GREB1: variants seen among roughly 807,000 people sequenced by gnomAD.
GREB1 encodes the protein protein GREB1.
A neutral mutation model predicts 200.7 loss-of-function variants in GREB1; 106 were observed. That is an observed-to-expected ratio of 0.53 (90% confidence interval 0.45 to 0.62). The LOEUF (loss-of-function observed/expected upper bound fraction) is 0.62, where lower values mean the gene tolerates loss of function less well. GREB1 is among the 20% of genes least tolerant of loss of function. The pLI is 0.00. For missense variants in GREB1, 2,243 were observed against 2,556.8 expected (o/e 0.88, Z 2.65); for synonymous variants, 1,132 against 1,092.4 (o/e 1.04, Z -0.72).
At chr2:11,592,198 T>C (rs962017809) in intron 10 of GREB1, 2 of 535,886 alleles carry the variant, frequency 3.7e-6, no homozygotes, top group African/African-American at 2.4e-5. Flanking sequence ...TTTTTTTTTT[T>C]TTTTTAACAA....
chr2:11,607,091 A>AT (rs1458795178), intron 17 of GREB1, among the ~76,000 whole-genome samples: 1 of 149,622 alleles, frequency 6.7e-6, no homozygotes, highest in African/African-American at 2.5e-5. Flanking sequence ...TATTATTATT[A>AT]TTTTTTAGAG....
Position 11,576,773 on chromosome 2 carries a change from C to T in GREB1, c.637+238C>T, listed in dbSNP as rs984303595. 5.9e-5 allele frequency among the ~76,000 whole-genome samples: 9 copies of T among 151,874 alleles called. 1 individual carries two copies. The highest frequency in any genetic ancestry group is 3.9e-4 in the East Asian group (2 of 5,168). ...ACAGAGGGCCAGTTGTGGTGGCTCA[C>T]GCCTGTAATCCCAGCACTTAGGGAG... On this transcript the variant is annotated intron_variant, in intron 5 of 32. Transcript: ENST00000381486.
chr2:11,592,737 G>A, intron 10 of GREB1, 39 bp from the exon 11 acceptor site: 1 of 1,358,430 alleles, frequency 7.4e-7, no homozygotes, highest in Non-Finnish European at 9.8e-7. Context: ...GGATGCCGCT[G>A]GCATTTGTGG....
In GREB1 at chr2:11,627,579, A is replaced by G. The variant is rs73915446; in HGVS notation, c.4449+475A>G. ...TCCATTGATAAGAGGAGGAATTTGC[A>G]TTTATTGAGCACCTACTGCATGCCA... is the stretch of plus-strand genomic sequence containing the variant. On this transcript the variant is annotated intron_variant, in intron 25 of 32. Transcript: ENST00000381486. Among the ~76,000 whole-genome samples, 397 of 152,364 alleles carry G rather than the reference A, an allele frequency of 2.6e-3. 7 individuals carry two copies. Among genetic ancestry groups the G allele is most frequent in the African/African-American group, 9.0e-3 (375 of 41,594 alleles).
intron 1 of GREB1, among the ~76,000 whole-genome samples, chr2:11,538,556 C>T (rs988864794): frequency 6.6e-5 from 10 of 152,096 alleles, no homozygotes; most frequent in African/African-American, 2.4e-4. Flanking sequence ...GTCCTGGATT[C>T]GTAAGAGTCA....
At chr2:11,639,462 C>G (rs759753709) in intron 32 of GREB1, among the ~76,000 whole-genome samples, 1 of 152,336 alleles carries the variant, frequency 6.6e-6, no homozygotes, top group South Asian at 2.1e-4. Context: ...TCCTGGTAGA[C>G]GAGTCTTTCT....
intron 3 of GREB1, among the ~76,000 whole-genome samples, chr2:11,564,274 G>A (rs1054853422): frequency 6.6e-6 from 1 of 152,060 alleles, no homozygotes. Context: ...GGAGGGACTC[G>A]GCCCTCGATG....
At chr2:11,601,746 A>G (rs1681803319) in intron 16 of GREB1, among the ~76,000 whole-genome samples, 1 of 152,350 alleles carries the variant, frequency 6.6e-6, no homozygotes, top group South Asian at 2.1e-4. Context: ...CTGTGAGCTC[A>G]TGCAAGAGGC....
chr2:11,571,856 G>A (rs897059593), intron 4 of GREB1, among the ~76,000 whole-genome samples: 6 of 151,930 alleles, frequency 3.9e-5, no homozygotes, highest in Non-Finnish European at 5.9e-5. Flanking sequence ...GACTACAGGC[G>A]CCCACCACCA....
rs1682850529 is a variant in GREB1, at chr2:11,610,789, A to G, written c.2768A>G (p.Tyr923Cys). 1.9e-6 allele frequency: 3 copies of G among 1,613,472 alleles called. No individual in the cohort carries two copies. Among genetic ancestry groups the G allele is most frequent in the Admixed American group, 1.7e-5 (1 of 60,016 alleles). Residue 923 changes from tyrosine (Y) to cysteine (C), a missense_variant, in exon 18 of 33, where the codon TAC becomes TGC. Coordinates refer to ENST00000381486, the MANE Select transcript of GREB1 (RefSeq NM_014668.4). ...AGCGGCCTCCCGCAGATGAAGAACT[A>G]CACGTCGGTGGAGACGCTGGAGATC... ...AVSGLPQMKN[Y>C]TSVETLEITQ...
At chr2:11,500,393 AGGTGATCTGCTCGCCTC>A (rs1673001958) in intron 1 of GREB1, among the ~76,000 whole-genome samples, 1 of 151,844 alleles carries the variant, frequency 6.6e-6, no homozygotes, top group African/African-American at 2.4e-5. Flanking sequence ...TCCTGACCTC[AGGTGATCTGCTCGCCTC>A]GGACTCCCAA....
rs544183816 is a variant in GREB1 at position 11,614,409 on chromosome 2, G to A, written c.3123-682G>A. ...CTCAAAGTGCTGGGATTACAGGTGT[G>A]AGCCACCACGCCCAGCCAGATGGTT... On this transcript the variant is annotated intron_variant, in intron 19 of 32. Transcript: ENST00000381486. 2.0e-5 allele frequency among the ~76,000 whole-genome samples: 3 copies of A among 152,030 alleles called. No individual in the cohort carries two copies. The East Asian group carries it at 5.8e-4, about 30-fold the overall frequency.
chr2:11,639,944 G>T (rs1190170505), intron 32 of GREB1, among the ~76,000 whole-genome samples: 1 of 152,102 alleles, frequency 6.6e-6, no homozygotes, highest in East Asian at 1.9e-4. Context: ...GAAGCTGTAA[G>T]GTGGGGTAGG....
At chr2:11,616,855 G>A in intron 21 of GREB1, 135 bp downstream of exon 21, 1 of 650,368 alleles carries the variant, frequency 1.5e-6, no homozygotes, top group Non-Finnish European at 2.8e-6. Flanking sequence ...GGAAATCTTT[G>A]AAGTGCTAGA....
chr2:11,603,084 C>T (rs1681930903), intron 17 of GREB1, among the ~76,000 whole-genome samples: 1 of 152,190 alleles, frequency 6.6e-6, no homozygotes, highest in Non-Finnish European at 1.5e-5. Context: ...TAGCAAGTGA[C>T]AGAACTGGGT....
intron 1 of GREB1, among the ~76,000 whole-genome samples, chr2:11,519,098 G>GA (rs568322870): frequency 0.016 from 1,063 of 64,516 alleles, 12 homozygotes; most frequent in African/African-American, 0.044. Flanking sequence ...CTCCGTCTCA[G>GA]AAAAAAAAAA....
intron 17 of GREB1, among the ~76,000 whole-genome samples, chr2:11,603,187 C>G (rs1481128672): frequency 1.3e-5 from 2 of 152,338 alleles, no homozygotes; most frequent in East Asian, 3.9e-4. Context: ...CTCAGACAGG[C>G]TAAGTGATTG....
chr2:11,571,636 T>C (rs1273514479), intron 4 of GREB1, among the ~76,000 whole-genome samples: 1 of 152,266 alleles, frequency 6.6e-6, no homozygotes, highest in East Asian at 1.9e-4. Context: ...GATTATTTAA[T>C]TGTGTCTGTT....
At chr2:11,631,795 C>A in intron 26 of GREB1, 114 bp from the exon 27 acceptor site, 2 of 788,202 alleles carry the variant, frequency 2.5e-6, no homozygotes, top group Non-Finnish European at 4.2e-6. Context: ...AAAATTCCAG[C>A]AGTGTAGGCA....
Sources: gnomAD v4.1 joint callset for allele counts (sites outside exome capture counted in the v4.1 genomes callset) on GRCh38, gnomAD v4.1.1 for gene constraint, MANE v1.5 for transcripts, NCBI Gene and HGNC (gene_info 2026-07-23, HGNC 2026-07-21) for gene names.